Variants in KDM2A observed in about 807,000 individuals in gnomAD.
KDM2A encodes the protein lysine demethylase 2A.
KDM2A carries 3 observed loss-of-function variants against 137.3 expected under a neutral mutation model. The observed-to-expected ratio is 0.02, with a 90% CI of 0.01 to 0.06. The LOEUF (loss-of-function observed/expected upper bound fraction) is 0.06. Ranked by LOEUF, KDM2A falls within the 10% of genes least tolerant of loss-of-function variation. The pLI, the probability that KDM2A is intolerant of heterozygous loss-of-function variation, is 1.00. For missense variants in KDM2A, 738 were observed against 1,510.6 expected, an observed-to-expected ratio of 0.49 and a Z score of 8.48; for synonymous variants, 512 against 541.5, an observed-to-expected ratio of 0.95 and a Z score of 0.76.
chr11:67,221,800 T>A (rs564700678), intron 10 of KDM2A, among the ~76,000 whole-genome samples: 7 of 152,080 alleles, frequency 4.6e-5, no homozygotes, highest in Non-Finnish European at 8.8e-5. Context: ...CCGGGTGTGG[T>A]GGTGCATGCC....
rs566264729 is a variant in KDM2A at position 67,250,175 on chromosome 11, G to T, written c.2145G>T (p.Pro715=). 5 of 1,613,798 alleles carry T rather than the reference G, an allele frequency of 3.1e-6. No homozygotes were observed. In the East Asian group the frequency reaches 1.1e-4, roughly 36 times the overall value. The change falls in exon 17 of 21, where the codon CCG becomes CCT. Residue 715 remains proline, a synonymous_variant. Coordinates refer to ENST00000529006, the MANE Select transcript of KDM2A (RefSeq NM_012308.3). The surrounding 1 kb of genome is among the most constrained non-coding windows in gnomAD (Gnocchi z 7.1). ...GCTGCGATGAGCCTCTCACGCCCCC[G>T]CCTCATTCACCCACTTCCATGCTGC... is the stretch of plus-strand genomic sequence containing the variant. ...LRSCDEPLTP[P]PHSPTSMLQL... is the part of the protein sequence containing the mutation.
chr11:67,206,157 G>A (rs761407685), intron 5 of KDM2A, among the ~76,000 whole-genome samples: 2 of 152,218 alleles, frequency 1.3e-5, no homozygotes, highest in Admixed American at 6.5e-5. Flanking sequence ...TCAGGCAGGT[G>A]CAGTGGCTCA....
intron 2 of KDM2A, among the ~76,000 whole-genome samples, chr11:67,147,736 G>T (rs957067955): frequency 1.3e-5 from 2 of 151,000 alleles, no homozygotes; most frequent in South Asian, 4.2e-4. Flanking sequence ...GGAGTGCAGT[G>T]GTGCAATCTC....
At chr11:67,234,337 T>C (rs1858806150) in intron 12 of KDM2A, among the ~76,000 whole-genome samples, 1 of 152,164 alleles carries the variant, frequency 6.6e-6, no homozygotes, top group Admixed American at 6.5e-5. Context: ...GCTAGTACAG[T>C]TTACCCTTCC....
rs751496172 is a variant in KDM2A, at chr11:67,255,022, G to A, written c.3456G>A (p.Leu1152=). 1.2e-6 allele frequency: 2 copies of A among 1,612,834 alleles called. No homozygotes were observed. Among genetic ancestry groups the A allele is most frequent in the Non-Finnish European group, 8.5e-7 (1 of 1,179,448 alleles). The change falls in exon 21 of 21, where the codon CTG becomes CTA. Residue 1152 remains leucine, a synonymous_variant. Coordinates refer to ENST00000529006, the MANE Select transcript of KDM2A (RefSeq NM_012308.3). The part of the protein sequence containing the change: ...SDLSINSLYC[L]SDEKLIQKIS ...TGTCCATCAACAGCCTCTACTGCCT[G>A]TCTGACGAGAAGCTGATACAGAAGA...
chr11:67,231,903 C>G lies in KDM2A; in HGVS notation c.1422C>G (p.His474Gln). 6.2e-6 allele frequency: 10 copies of G among 1,613,986 alleles called. No individual in the cohort carries two copies. Among genetic ancestry groups the G allele is most frequent in the Non-Finnish European group, 7.6e-6 (9 of 1,179,884 alleles). ...LVDKLESLPL[H>Q]KKCVPTGIED... Reference sequence around the variant, plus strand: ...ATAAGTTGGAGTCTCTGCCACTGCACAAGAAATGTGTCCCCACAGGGATAG... The same window carrying G: ...ATAAGTTGGAGTCTCTGCCACTGCAGAAGAAATGTGTCCCCACAGGGATAG... Residue 474 changes from histidine to glutamine, a missense_variant, in exon 12 of 21, where the codon CAC (histidine) becomes CAG (glutamine). Transcript: ENST00000529006.
chr11:67,193,612 G>A (rs1282358050), intron 5 of KDM2A, among the ~76,000 whole-genome samples: 1 of 151,974 alleles, frequency 6.6e-6, no homozygotes, highest in Non-Finnish European at 1.5e-5. Flanking sequence ...TGTAATCCCG[G>A]CACTTTGGGA....
intron 13 of KDM2A, among the ~76,000 whole-genome samples, chr11:67,244,902 C>T (rs1484838406): frequency 1.3e-5 from 2 of 150,120 alleles, no homozygotes; most frequent in Non-Finnish European, 3.0e-5. Flanking sequence ...AGGAGAATGG[C>T]GGGAACCCGG....
Position 67,255,426 on chromosome 11 carries a change from T to C in KDM2A, c.*371T>C, listed in dbSNP as rs1859569791. ...CCTCCCCATCCATGGTCCCCAGCAG[T>C]GCCTGGTTCTGAGCAAACTCCCAGG... On this transcript the variant is annotated 3_prime_UTR_variant, in exon 21 of 21. Transcript: ENST00000529006. 1 of 463,094 alleles carries C rather than the reference T, an allele frequency of 2.2e-6. No homozygotes were observed. The highest frequency in any genetic ancestry group is 4.3e-6 in the Non-Finnish European group (1 of 231,528). 28.7% of individuals were successfully genotyped at this position (463,094 alleles called of 1,614,324 possible).
At chr11:67,145,238 A>G (rs1363806440) in intron 2 of KDM2A, among the ~76,000 whole-genome samples, 1 of 150,852 alleles carries the variant, frequency 6.6e-6, no homozygotes, top group African/African-American at 2.4e-5. Context: ...TAATCCCAGC[A>G]CTTTGGGAGG....
At chr11:67,126,391 A>G (rs1855731934) in intron 2 of KDM2A, among the ~76,000 whole-genome samples, 1 of 152,018 alleles carries the variant, frequency 6.6e-6, no homozygotes, top group South Asian at 2.1e-4. Flanking sequence ...TCTGGGCAAC[A>G]TAGACCCCCG....
At chr11:67,247,037 T>TTATATATATA (rs59101290) in intron 15 of KDM2A, among the ~76,000 whole-genome samples, 22 of 33,064 alleles carry the variant, frequency 6.7e-4, no homozygotes, top group South Asian at 1.8e-3. Flanking sequence ...ATAAATTATT[T>TTATATATATA]TATATATATA....
rs1173331527 is a variant in KDM2A at position 67,254,227 on chromosome 11, G to A, written c.3116G>A (p.Arg1039Gln). 5 of 1,613,880 alleles carry A rather than the reference G, an allele frequency of 3.1e-6. No homozygotes were observed. The highest frequency in any genetic ancestry group is 2.2e-5 in the East Asian group (1 of 44,900). ...KPGQDNRSKL[R>Q]NMTDFRLAGL... is the part of the protein sequence containing the mutation. ...GGTCAGGACAATCGCAGCAAGCTCCGGAACATGACCGACTTCCGGCTGGCA... is the reference window on the plus strand; with the variant it reads ...GGTCAGGACAATCGCAGCAAGCTCCAGAACATGACCGACTTCCGGCTGGCA... Residue 1039 changes from arginine (R) to glutamine (Q), a missense_variant, in exon 20 of 21, where the codon CGG (arginine) becomes CAG (glutamine). Physicochemically the swap from Arg to Gln is conservative, Grantham distance 43. This residue lies in a region of KDM2A where 166 missense variants were observed against 324.0 expected (regional missense o/e 0.51). Transcript: ENST00000529006. This position sits in a 1 kb window ranked among gnomAD's most constrained non-coding sequence, Gnocchi z 4.7.
intron 2 of KDM2A, among the ~76,000 whole-genome samples, chr11:67,152,721 A>C (rs1465862681): frequency 6.6e-6 from 1 of 152,112 alleles, no homozygotes. Flanking sequence ...ACCAGGGATA[A>C]GTACTTCTTT....
intron 12 of KDM2A, among the ~76,000 whole-genome samples, chr11:67,236,183 T>C (rs1419331983): frequency 6.6e-6 from 1 of 152,184 alleles, no homozygotes; most frequent in Non-Finnish European, 1.5e-5. Flanking sequence ...CAGGCCGAAG[T>C]GCAGTGGCGT....
intron 5 of KDM2A, among the ~76,000 whole-genome samples, chr11:67,206,705 C>G (rs1226202348): frequency 6.6e-6 from 1 of 152,224 alleles, no homozygotes. Flanking sequence ...CCACTGCACT[C>G]CAGCCTGAGC....
intron 2 of KDM2A, among the ~76,000 whole-genome samples, chr11:67,126,957 A>G (rs1490129174): frequency 1.3e-5 from 2 of 152,236 alleles, no homozygotes; most frequent in East Asian, 3.9e-4. Flanking sequence ...AAATATTAGT[A>G]CTTTTGTATA....
chr11:67,124,677 A>G (rs1347555744), intron 2 of KDM2A, among the ~76,000 whole-genome samples: 1 of 126,326 alleles, frequency 7.9e-6, no homozygotes, highest in African/African-American at 3.0e-5. Flanking sequence ...AGAGTCAAGT[A>G]CTCTTGACTT....
intron 2 of KDM2A, among the ~76,000 whole-genome samples, chr11:67,162,441 G>A (rs1229300690): frequency 1.3e-5 from 2 of 152,146 alleles, no homozygotes; most frequent in African/African-American, 4.8e-5. Flanking sequence ...GTCTCGTTCT[G>A]TCACCCAGGC....
Sources: gnomAD v4.1 joint callset for allele counts (sites outside exome capture counted in the v4.1 genomes callset) on GRCh38, gnomAD v4.1.1 for gene constraint, gnomAD v4.1.1 regional missense constraint, Gnocchi (gnomAD v3.1) non-coding constraint, MANE v1.5 for transcripts, NCBI Gene and HGNC (gene_info 2026-07-23, HGNC 2026-07-21) for gene names.